Variants in KLHL32 observed in about 807,000 individuals in gnomAD.
The protein encoded by KLHL32 is kelch-like protein 32.
A neutral mutation model predicts 64.8 loss-of-function variants in KLHL32; 35 were observed. The observed-to-expected ratio is 0.54, with a 90% CI of 0.41 to 0.72. KLHL32 has a LOEUF of 0.72. Among genes scored for constraint, KLHL32 ranks in the 30% least tolerant of loss-of-function variants. The pLI is 0.00. For missense variants in KLHL32, 589 were observed against 768.5 expected (o/e 0.77, Z 2.76); for synonymous variants, 259 against 281.0 (o/e 0.92, Z 0.78).
intron 3 of KLHL32, among the ~76,000 whole-genome samples, chr6:96,996,764 ACTATT>A (rs1778462370): frequency 6.6e-6 from 1 of 152,184 alleles, no homozygotes; most frequent in South Asian, 2.1e-4. Flanking sequence ...TTCTCAGGCA[ACTATT>A]CTAAATGTTT....
At chr6:96,988,941 C>T (rs1396729829) in intron 3 of KLHL32, among the ~76,000 whole-genome samples, 13 of 151,504 alleles carry the variant, frequency 8.6e-5, no homozygotes, top group Non-Finnish European at 1.5e-4. Flanking sequence ...ACATCACACA[C>T]TGGGGCCTGT....
At chr6:96,995,145 A>G (rs1778278485) in intron 3 of KLHL32, among the ~76,000 whole-genome samples, 1 of 152,194 alleles carries the variant, frequency 6.6e-6, no homozygotes, top group African/African-American at 2.4e-5. Context: ...TAAGTGAGAT[A>G]TGGTATATAA....
In KLHL32 at chr6:97,033,451, G is replaced by A. The variant is rs565485597; in HGVS notation, c.205-8041G>A. ...GTTGAGGGACATTAAGATTGTTTCC[G>A]TATTGTGGCTATTGTAAATAATGCT... is the stretch of plus-strand genomic sequence containing the variant. On this transcript the variant is annotated intron_variant, in intron 3 of 10. Transcript: ENST00000369261. Among the ~76,000 whole-genome samples the A allele has an allele frequency of 3.9e-5, 6 of 152,094 alleles. No homozygotes were observed. In the South Asian group the frequency reaches 1.0e-3, roughly 26 times the overall value.
chr6:97,118,633 A>AAAAAAAG (rs1468288088), intron 7 of KLHL32, among the ~76,000 whole-genome samples: 1 of 143,468 alleles, frequency 7.0e-6, no homozygotes, highest in Non-Finnish European at 1.5e-5. Context: ...AAAAAAAAAA[A>AAAAAAAG]AGAATTGTAG....
In KLHL32 at chr6:96,942,930, A is replaced by T. The variant is rs1771493066; in HGVS notation, c.-66+17904A>T. On this transcript the variant is annotated intron_variant, in intron 1 of 10. Coordinates refer to ENST00000369261, the MANE Select transcript of KLHL32 (RefSeq NM_052904.4). ...ACCTGTTCACCTCTCTCTTGCCCAC[A>T]TGCCACAGTTAAAAATTAAATTAAG... Among the ~76,000 whole-genome samples, 3 of 152,016 alleles carry T rather than the reference A, an allele frequency of 2.0e-5. No individual in the cohort carries two copies. In the South Asian group the frequency reaches 6.2e-4, roughly 32 times the overall value.
At chr6:97,130,646 G>A (rs1799338923) in intron 8 of KLHL32, 111 bp from the exon 9 acceptor site, 1 of 721,036 alleles carries the variant, frequency 1.4e-6, no homozygotes, top group Non-Finnish European at 2.2e-6. Context: ...ACAGAATGTT[G>A]ATCTATTGAT....
At chr6:96,949,079 T>C (rs1418942490) in intron 1 of KLHL32, among the ~76,000 whole-genome samples, 4 of 152,190 alleles carry the variant, frequency 2.6e-5, no homozygotes, top group Non-Finnish European at 4.4e-5. Flanking sequence ...CACATCACGA[T>C]GTTTTGTGCA....
chr6:97,127,104 C>T (rs575579011), intron 7 of KLHL32, among the ~76,000 whole-genome samples: 1 of 152,302 alleles, frequency 6.6e-6, no homozygotes, highest in African/African-American at 2.4e-5. Flanking sequence ...TATGTTCACT[C>T]TCACTCCCTA....
intron 1 of KLHL32, among the ~76,000 whole-genome samples, chr6:96,947,962 G>T (rs909798387): frequency 7.9e-5 from 12 of 152,088 alleles, no homozygotes; most frequent in Admixed American, 5.2e-4. Flanking sequence ...CTTCTTTCTG[G>T]TCTTGGCATA....
At chr6:96,903,757 T>A in the KLHL32 span, among the ~76,000 whole-genome samples, 1 of 152,162 alleles carries the variant, frequency 6.6e-6, no homozygotes, top group Non-Finnish European at 1.5e-5. Context: ...TTGGTTAAAT[T>A]CAACACCCAT....
At chr6:96,982,257 A>G (rs936970087) in intron 3 of KLHL32, among the ~76,000 whole-genome samples, 1 of 152,172 alleles carries the variant, frequency 6.6e-6, no homozygotes, top group Non-Finnish European at 1.5e-5. Context: ...ATATATGTTT[A>G]GTATAGTTAT....
At chr6:97,006,746 A>C (rs533711478) in intron 3 of KLHL32, among the ~76,000 whole-genome samples, 11 of 152,176 alleles carry the variant, frequency 7.2e-5, no homozygotes, top group Non-Finnish European at 1.6e-4. Context: ...TCCTTTGCTT[A>C]TGAAACTTAG....
intron 7 of KLHL32, among the ~76,000 whole-genome samples, chr6:97,123,380 G>T (rs1343615307): frequency 6.6e-6 from 1 of 152,122 alleles, no homozygotes; most frequent in African/African-American, 2.4e-5. Context: ...GGAAGCTTAA[G>T]AAAAATGCTT....
chr6:96,959,685 G>T (rs1773673588), intron 1 of KLHL32, among the ~76,000 whole-genome samples: 2 of 152,270 alleles, frequency 1.3e-5, no homozygotes, highest in South Asian at 4.1e-4. Context: ...ACACAATTCA[G>T]CTCACATCAG....
At chr6:97,071,051 G>A (rs1790638060) in intron 5 of KLHL32, among the ~76,000 whole-genome samples, 1 of 151,980 alleles carries the variant, frequency 6.6e-6, no homozygotes, top group Admixed American at 6.6e-5. Flanking sequence ...CTACTTTACT[G>A]GCACTTTTCT....
intron 3 of KLHL32, among the ~76,000 whole-genome samples, chr6:97,005,390 G>A (rs550459975): frequency 1.3e-5 from 2 of 151,614 alleles, no homozygotes; most frequent in South Asian, 4.2e-4. Context: ...ATTAATCTAG[G>A]TAGTGGTCTA....
At chr6:96,983,728 TC>T (rs1776645892) in intron 3 of KLHL32, among the ~76,000 whole-genome samples, 1 of 152,076 alleles carries the variant, frequency 6.6e-6, no homozygotes, top group Non-Finnish European at 1.5e-5. Context: ...GGTGGTGATA[TC>T]CCTTTATCAT....
At chr6:97,031,724 G>A (rs777349038) in intron 3 of KLHL32, among the ~76,000 whole-genome samples, 3 of 152,114 alleles carry the variant, frequency 2.0e-5, no homozygotes, top group East Asian at 3.8e-4. Context: ...TTATAATGGG[G>A]TCATTCCATA....
At chr6:97,035,959 A>G (rs1030536385) in intron 3 of KLHL32, among the ~76,000 whole-genome samples, 2 of 151,942 alleles carry the variant, frequency 1.3e-5, no homozygotes, top group Non-Finnish European at 2.9e-5. Flanking sequence ...TTAAGCTTTC[A>G]TAATCTATAT....
Sources: gnomAD v4.1 joint callset for allele counts (sites outside exome capture counted in the v4.1 genomes callset) on GRCh38, gnomAD v4.1.1 for gene constraint, MANE v1.5 for transcripts, NCBI Gene and HGNC (gene_info 2026-07-23, HGNC 2026-07-21) for gene names.